PVT1: variants seen among roughly 807,000 people sequenced by gnomAD.
PVT1 encodes Pvt1 oncogene.
chr8:127,881,911 T>A (rs1183163234), intron 2 of PVT1, among the ~76,000 whole-genome samples: 1 of 152,164 alleles, frequency 6.6e-6, no homozygotes, highest in Non-Finnish European at 1.5e-5. Flanking sequence ...AGCTAATTTT[T>A]GTATTTTTTG....
intron 2 of PVT1, among the ~76,000 whole-genome samples, chr8:127,878,396 A>G (rs1199578532): frequency 2.0e-5 from 3 of 152,216 alleles, no homozygotes; most frequent in African/African-American, 7.2e-5. Context: ...CCAACTCTGC[A>G]AGGCATTTCA....
At chr8:127,889,089 TTCCTTCCTTCCC>T (rs1563631217) in intron 2 of PVT1, among the ~76,000 whole-genome samples, 7 of 138,632 alleles carry the variant, frequency 5.0e-5, no homozygotes, top group Admixed American at 7.2e-5. Flanking sequence ...CCTTCCTTCC[TTCCTTCCTTCCC>T]TCCTTCCTTC....
intron 5 of PVT1, among the ~76,000 whole-genome samples, chr8:128,088,796 G>A (rs1250910665): frequency 6.6e-6 from 1 of 152,186 alleles, no homozygotes; most frequent in East Asian, 1.9e-4. Flanking sequence ...TTCACTTATT[G>A]CCATGATTAC....
intron 5 of PVT1, among the ~76,000 whole-genome samples, chr8:128,091,742 T>C (rs753099316): frequency 1.3e-5 from 2 of 152,212 alleles, no homozygotes; most frequent in African/African-American, 2.4e-5. Context: ...TATACATACA[T>C]TTATAAGATG....
intron 2 of PVT1, among the ~76,000 whole-genome samples, chr8:127,857,721 G>A (rs1815176813): frequency 6.6e-6 from 1 of 152,184 alleles, no homozygotes; most frequent in Non-Finnish European, 1.5e-5. Flanking sequence ...GGTACAGAAA[G>A]GGAGGAGCAT....
At chr8:128,058,925 C>T (rs1464731948) in intron 4 of PVT1, among the ~76,000 whole-genome samples, 1 of 152,190 alleles carries the variant, frequency 6.6e-6, no homozygotes, top group Non-Finnish European at 1.5e-5. Flanking sequence ...CTCAGGCCAT[C>T]ATCCCTTCTT....
intron 3 of PVT1, among the ~76,000 whole-genome samples, chr8:127,955,802 C>T (rs1354751499): frequency 4.6e-5 from 7 of 152,074 alleles, no homozygotes; most frequent in Admixed American, 4.6e-4. Context: ...CCAGGCTGGT[C>T]TCAAACTCCT....
rs79860294 is a variant in PVT1, at chr8:127,920,256, C to T, written n.782+29258C>T. Among the ~76,000 whole-genome samples the T allele has an allele frequency of 5.8e-3, 886 of 152,348 alleles. 17 individuals carry two copies. Among genetic ancestry groups the T allele is most frequent in the African/African-American group, 0.02 (844 of 41,584 alleles). ...CAGTCCACTGCAAGAACAGCAGAAA[C>T]TCGTAGCTGACCTCCATTTGGCCTA... is the stretch of plus-strand genomic sequence containing the variant. On this transcript the variant is annotated intron_variant and non_coding_transcript_variant, in intron 3 of 10. Coordinates refer to ENST00000651587, the Ensembl canonical transcript of PVT1.
At chr8:128,027,220 A>C (rs1364765916) in intron 4 of PVT1, among the ~76,000 whole-genome samples, 1 of 152,138 alleles carries the variant, frequency 6.6e-6, no homozygotes, top group Non-Finnish European at 1.5e-5. Flanking sequence ...CTCTGAAGTC[A>C]AGTGACTCCT....
intron 2 of PVT1, among the ~76,000 whole-genome samples, chr8:127,810,668 G>T (rs1401979857): frequency 6.6e-6 from 1 of 152,202 alleles, no homozygotes; most frequent in Non-Finnish European, 1.5e-5. Context: ...GGAATGAAAT[G>T]ATTCTTCCAG....
intron 5 of PVT1, among the ~76,000 whole-genome samples, chr8:128,095,436 A>T (rs1015801195): frequency 1.2e-4 from 18 of 152,170 alleles, no homozygotes; most frequent in African/African-American, 3.9e-4. Context: ...TAGAAAGGTG[A>T]TTAAAAGATG....
intron 2 of PVT1, among the ~76,000 whole-genome samples, chr8:127,807,830 C>T (rs999354195): frequency 2.7e-5 from 4 of 149,630 alleles, no homozygotes; most frequent in African/African-American, 9.9e-5. Flanking sequence ...TGCAGTGGCG[C>T]CATCTCGGCT....
intron 5 of PVT1, among the ~76,000 whole-genome samples, chr8:128,073,940 G>A (rs1311049840): frequency 6.6e-6 from 1 of 152,106 alleles, no homozygotes; most frequent in African/African-American, 2.4e-5. Flanking sequence ...AAGAGCTGAT[G>A]GATGAATGTG....
intron 4 of PVT1, among the ~76,000 whole-genome samples, chr8:128,042,984 G>A (rs916927216): frequency 3.3e-5 from 5 of 151,818 alleles, no homozygotes; most frequent in Non-Finnish European, 7.4e-5. Flanking sequence ...GGCTGGTCTC[G>A]AACTCCTGGC....
chr8:128,032,834 A>T lies in PVT1; in HGVS notation n.913-37326A>T, dbSNP rs548738898. On this transcript the variant is annotated intron_variant and non_coding_transcript_variant, in intron 4 of 10. Coordinates refer to ENST00000651587, the Ensembl canonical transcript of PVT1. ...GAATGTCGTTCTTATGGTGAAAAGC[A>T]CAGAGCAAGACAAGACCACTCCTAG... is the stretch of plus-strand genomic sequence containing the variant. 3.3e-5 allele frequency among the ~76,000 whole-genome samples: 5 copies of T among 152,328 alleles called. No individual in the cohort carries two copies. The South Asian group carries it at 1.0e-3, about 32-fold the overall frequency.
intron 2 of PVT1, among the ~76,000 whole-genome samples, chr8:127,837,280 GC>G (rs1761838909): frequency 6.6e-6 from 1 of 152,132 alleles, no homozygotes; most frequent in Non-Finnish European, 1.5e-5. Flanking sequence ...AGTCTTTCTG[GC>G]CGGGCTGCAG....
At position 127,816,344 on chromosome 8, in the gene PVT1, C is replaced by T. The variant is rs561812182; in HGVS notation, n.372+20273C>T. On this transcript the variant is annotated intron_variant and non_coding_transcript_variant, in intron 2 of 10. Coordinates refer to ENST00000651587, the Ensembl canonical transcript of PVT1. ...TTTTCTTTTTGTTGAGATAGGATCT[C>T]ACTATGTTGCCCAGGCTGGTCCCAA... is the stretch of plus-strand genomic sequence containing the variant. Among the ~76,000 whole-genome samples the T allele has an allele frequency of 1.1e-3, 166 of 152,170 alleles. 2 individuals are homozygous for T. Among genetic ancestry groups the T allele is most frequent in the Middle Eastern group, 6.8e-3 (2 of 292 alleles).
chr8:128,043,237 G>A lies in PVT1; in HGVS notation n.913-26923G>A, dbSNP rs549833298. 1.7e-3 allele frequency among the ~76,000 whole-genome samples: 256 copies of A among 152,272 alleles called. 2 individuals carry two copies. The highest frequency in any genetic ancestry group is 3.4e-3 in the Middle Eastern group (1 of 294). ...ATATAATGAAAATTTCTGAATTTTG[G>A]ATGTAGGCAATAACTTCAAAAATAT... On this transcript the variant is annotated intron_variant and non_coding_transcript_variant, in intron 4 of 10. Transcript: ENST00000651587.
chr8:128,008,483 G>C (rs1043180893), intron 4 of PVT1, among the ~76,000 whole-genome samples: 2 of 152,200 alleles, frequency 1.3e-5, no homozygotes, highest in Non-Finnish European at 1.5e-5. Flanking sequence ...GTTAGCTCCA[G>C]AAAGAACTGT....
Sources: allele counts gnomAD v4.1 joint callset (sites outside exome capture counted in the v4.1 genomes callset), GRCh38; gene constraint gnomAD v4.1.1; transcripts MANE v1.5; gene names NCBI Gene and HGNC (gene_info 2026-07-23, HGNC 2026-07-21).